The following FSIP2 variants were observed in gnomAD, a reference collection of about 807,000 sequenced individuals.
FSIP2 encodes fibrous sheath-interacting protein 2.
A neutral mutation model predicts 510.5 loss-of-function variants in FSIP2; 367 were observed. The ratio of observed to expected loss-of-function variants is 0.72; its 90% CI spans 0.66 to 0.78. FSIP2 has a LOEUF of 0.78. Among genes scored for constraint, FSIP2 ranks in the 30% least tolerant of loss-of-function variants. FSIP2 has a pLI of 0.00. For synonymous variants in FSIP2, 2,601 were observed against 2,732.2 expected, an observed-to-expected ratio of 0.95 and a Z score of 1.50; for missense variants, 7,594 against 7,901.7, an observed-to-expected ratio of 0.96 and a Z score of 1.48.
In FSIP2 at chr2:185,797,175, C is replaced by A. The variant is rs1559030415; in HGVS notation, c.10039C>A (p.Pro3347Thr). 6.5e-7 allele frequency: 1 copy of A among 1,534,816 alleles called. No individual in the cohort carries two copies. The highest frequency in any genetic ancestry group is 8.7e-7 in the Non-Finnish European group (1 of 1,146,212). Reference sequence around the variant, plus strand: ...ATCCAGCTGTGGCTTTCCAAGTCAACCACACACTAATGAGAACAGGGAAAT... The same window carrying A: ...ATCCAGCTGTGGCTTTCCAAGTCAAACACACACTAATGAGAACAGGGAAAT... ...VLSSCGFPSQ[P>T]HTNENREIMK... Residue 3347 changes from proline to threonine, a missense_variant, in exon 16 of 23, where the codon CCA (proline) becomes ACA (threonine). Transcript: ENST00000424728.
At position 185,794,262 on chromosome 2, in the gene FSIP2, C is replaced by G. The variant is rs1321038584; in HGVS notation, c.7126C>G (p.Pro2376Ala). ...AGACTTAGAAATTCAAAAGATATAT[C>G]CATATCAAAACAATATTTTGTTCCA... ...DLDLEIQKIY[P>A]YQNNILFQEN... The change falls in exon 16 of 23, where the codon CCA (proline) becomes GCA (alanine). Residue 2376 changes from proline (P) to alanine (A), a missense_variant. Transcript: ENST00000424728. The G allele has an allele frequency of 1.3e-6, 2 of 1,530,556 alleles. No homozygotes were observed. The highest frequency in any genetic ancestry group is 8.7e-7 in the Non-Finnish European group (1 of 1,144,064). The allele number at this position is 1,530,556 out of a possible 1,614,324, so 94.8% of individuals were successfully genotyped here.
At position 185,788,878 on chromosome 2, in the gene FSIP2, C is replaced by A; in HGVS notation, c.1742C>A (p.Ala581Glu). ...TCTGCAACAACTAAAACATTTCAGG[C>A]AGAACCCTGTGCATTTGTAGTTGAC... is the stretch of plus-strand genomic sequence containing the variant. ...YTSATTKTFQ[A>E]EPCAFVVDTS... The change falls in exon 16 of 23, where the codon GCA (alanine) becomes GAA (glutamate). Residue 581 changes from alanine to glutamate, a missense_variant. Ala to Glu is a moderately radical substitution (Grantham distance 107). Transcript: ENST00000424728. The A allele has an allele frequency of 6.5e-7, 1 of 1,534,972 alleles. No individual in the cohort carries two copies.
chr2:185,795,040 T>C lies in FSIP2; in HGVS notation c.7904T>C (p.Met2635Thr), dbSNP rs1386709329. The change falls in exon 16 of 23, where the codon ATG becomes ACG. Residue 2635 changes from methionine to threonine, a missense_variant. Coordinates refer to ENST00000424728, the MANE Select transcript of FSIP2 (RefSeq NM_173651.4). ...CAAGTGAAGAAAGACTTAATTCAAA[T>C]GGTTCTCAATAAGATCACAAATTTT... is the stretch of plus-strand genomic sequence containing the variant. ...PLQVKKDLIQ[M>T]VLNKITNFVS... 6 of 1,534,594 alleles carry C rather than the reference T, an allele frequency of 3.9e-6. No individual in the cohort carries two copies. The highest frequency in any genetic ancestry group is 4.4e-6 in the Non-Finnish European group (5 of 1,146,044).
At chr2:185,737,157 A>G (rs746719878), upstream of FSIP2, among the ~76,000 whole-genome samples, 1 of 152,220 alleles carries the variant, frequency 6.6e-6, no homozygotes, top group Non-Finnish European at 1.5e-5. Flanking sequence ...AGAACACAGC[A>G]CTTCCAATAC....
chr2:185,794,760 A>T lies in FSIP2; in HGVS notation c.7624A>T (p.Ile2542Leu), dbSNP rs1693228156. 3 of 1,534,250 alleles carry T rather than the reference A, an allele frequency of 2.0e-6. No homozygotes were observed. The change falls in exon 16 of 23, where the codon ATA becomes TTA. Residue 2542 changes from isoleucine (I) to leucine (L), a missense_variant. Physicochemically the swap from Ile to Leu is conservative, Grantham distance 5. Coordinates refer to ENST00000424728, the MANE Select transcript of FSIP2 (RefSeq NM_173651.4). The part of the protein sequence containing the change: ...QSHINSVAND[I>L]VESVLGKMYL... ...ACATATTAACAGTGTAGCAAATGAC[A>T]TAGTTGAAAGTGTTTTGGGGAAAAT...
At position 185,801,102 on chromosome 2, in the gene FSIP2, G is replaced by A; in HGVS notation, c.11796G>A (p.Lys3932=). 6.5e-7 allele frequency: 1 copy of A among 1,532,798 alleles called. No individual in the cohort carries two copies. Among genetic ancestry groups the A allele is most frequent in the African/African-American group, 1.4e-5 (1 of 72,900 alleles). The allele number at this position is 1,532,798 out of a possible 1,614,324, so 94.9% of individuals were successfully genotyped here. A position where few individuals can be genotyped will look rare whatever the true frequency, so the allele number is the denominator to read the frequency against. The change falls in exon 17 of 23, where the codon AAG becomes AAA. Residue 3932 remains lysine (K), a synonymous_variant. Coordinates refer to ENST00000424728, the MANE Select transcript of FSIP2 (RefSeq NM_173651.4). ...CCAAAATACAAGCACCATTTAACAA[G>A]CATTGTGCAGTAAAATCCTCTTCTG... is the stretch of plus-strand genomic sequence containing the variant. The part of the protein sequence containing the change: ...VSSKIQAPFN[K]HCAVKSSSVS...
In FSIP2 at chr2:185,800,997, G is replaced by C; in HGVS notation, c.11691G>C (p.Gln3897His). 1 of 1,531,666 alleles carries C rather than the reference G, an allele frequency of 6.5e-7. No individual in the cohort carries two copies. Among genetic ancestry groups the C allele is most frequent in the East Asian group, 2.5e-5 (1 of 40,812 alleles). 94.9% of individuals were successfully genotyped at this position (1,531,666 alleles called of 1,614,324 possible). A position where few individuals can be genotyped will look rare whatever the true frequency, so the allele number is the denominator to read the frequency against. Residue 3897 changes from glutamine (Q) to histidine (H), a missense_variant, in exon 17 of 23, where the codon CAG becomes CAC. Physicochemically the swap from Gln to His is conservative, Grantham distance 24. Coordinates refer to ENST00000424728, the MANE Select transcript of FSIP2 (RefSeq NM_173651.4). ...ARKSELIELG[Q>H]SKSSLELRSY... ...AGTCAGAATTAATAGAATTAGGACA[G>C]AGTAAAAGTTCTTTAGAACTCAGGA...
At chr2:185,816,817 C>T (rs1296365657) in intron 19 of FSIP2, among the ~76,000 whole-genome samples, 8 of 151,468 alleles carry the variant, frequency 5.3e-5, no homozygotes, top group Non-Finnish European at 1.2e-4. Context: ...GATTTTGCCA[C>T]TGCACTTTAG....
chr2:185,832,932 G>A (rs913805965), intron 22 of FSIP2, among the ~76,000 whole-genome samples, 158 bp from the exon 23 acceptor site: 15 of 151,922 alleles, frequency 9.9e-5, no homozygotes, highest in Non-Finnish European at 1.8e-4. Flanking sequence ...GACTAAAGAA[G>A]CCTCATAGTA....
intron 17 of FSIP2, 61 bp from the exon 18 acceptor site, chr2:185,813,484 T>C: frequency 9.7e-7 from 1 of 1,033,288 alleles, no homozygotes; most frequent in South Asian, 2.3e-5. Context: ...ACATCATAAT[T>C]GAACTATAGG....
chr2:185,789,859 C>T lies in FSIP2; in HGVS notation c.2723C>T (p.Ala908Val). ...TCTTTGGTTGCTTATATAGAGGAAG[C>T]AATCAATGCTATACTAGGTTATATA... ...QSSLVAYIEE[A>V]INAILGYIQT... The change falls in exon 16 of 23, where the codon GCA (alanine) becomes GTA (valine). Residue 908 changes from alanine to valine, a missense_variant. Physicochemically the swap from Ala to Val is moderately conservative, Grantham distance 64. Coordinates refer to ENST00000424728, the MANE Select transcript of FSIP2 (RefSeq NM_173651.4). The T allele has an allele frequency of 2.6e-6, 4 of 1,531,658 alleles. No homozygotes were observed. Among genetic ancestry groups the T allele is most frequent in the Non-Finnish European group, 2.6e-6 (3 of 1,143,642 alleles). The allele number at this position is 1,531,658 out of a possible 1,614,324, so 94.9% of individuals were successfully genotyped here. A position where few individuals can be genotyped will look rare whatever the true frequency, so the allele number is the denominator to read the frequency against.
At position 185,791,949 on chromosome 2, in the gene FSIP2, G is replaced by A; in HGVS notation, c.4813G>A (p.Gly1605Ser). ...GFANGHLEIL[G>S]AINDGNKKSN... ...TGCCAACGGACATTTAGAAATTTTG[G>A]GTGCTATTAATGATGGAAATAAGAA... is the stretch of plus-strand genomic sequence containing the variant. The change falls in exon 16 of 23, where the codon GGT (glycine) becomes AGT (serine). Residue 1605 changes from glycine (G) to serine (S), a missense_variant. Physicochemically the swap from Gly to Ser is moderately conservative, Grantham distance 56 (BLOSUM62 0). Transcript: ENST00000424728. The A allele has an allele frequency of 6.5e-7, 1 of 1,533,626 alleles. No homozygotes were observed. Among genetic ancestry groups the A allele is most frequent in the Admixed American group, 2.0e-5 (1 of 50,818 alleles).
At position 185,790,518 on chromosome 2, in the gene FSIP2, C is replaced by T; in HGVS notation, c.3382C>T (p.His1128Tyr). ...LKDISSVPFG[H>Y]LDSKTGSEAS... ...GGACATATCTTCCGTTCCTTTTGGT[C>T]ACTTAGACAGCAAAACTGGCAGTGA... is the stretch of plus-strand genomic sequence containing the variant. Residue 1128 changes from histidine to tyrosine, a missense_variant, in exon 16 of 23, where the codon CAC (histidine) becomes TAC (tyrosine). By Grantham distance (83) the His-to-Tyr change is moderately conservative (BLOSUM62 2). Coordinates refer to ENST00000424728, the MANE Select transcript of FSIP2 (RefSeq NM_173651.4). 1.3e-6 allele frequency: 2 copies of T among 1,534,118 alleles called. No homozygotes were observed. Among genetic ancestry groups the T allele is most frequent in the East Asian group, 2.4e-5 (1 of 40,840 alleles).
At position 185,789,444 on chromosome 2, in the gene FSIP2, G is replaced by C. The variant is rs559613350; in HGVS notation, c.2308G>C (p.Val770Leu). Residue 770 changes from valine (V) to leucine (L), a missense_variant, in exon 16 of 23, where the codon GTT (valine) becomes CTT (leucine). Physicochemically the swap from Val to Leu is conservative, Grantham distance 32 (BLOSUM62 1). Coordinates refer to ENST00000424728, the MANE Select transcript of FSIP2 (RefSeq NM_173651.4). Reference sequence around the variant, plus strand: ...TATGCTTGAGAAGTTAGAGTCTGCAGTTGAGAAAAAATGTGTTGAGATGTT... The same window carrying C: ...TATGCTTGAGAAGTTAGAGTCTGCACTTGAGAAAAAATGTGTTGAGATGTT... ...ENMLEKLESAVEKKCVEMFSQ... is the reference protein window; with the variant it reads ...ENMLEKLESALEKKCVEMFSQ... 13 of 1,534,710 alleles carry C rather than the reference G, an allele frequency of 8.5e-6. No individual in the cohort carries two copies. In the Admixed American group the frequency reaches 1.4e-4, roughly 16 times the overall value.
chr2:185,739,556 A>T, intron 2 of FSIP2, 85 bp downstream of exon 2: 2 of 1,213,788 alleles, frequency 1.6e-6, no homozygotes, highest in Non-Finnish European at 2.2e-6. Context: ...AAAATTCATT[A>T]AAGGAATTTG....
Position 185,800,232 on chromosome 2 carries a change from AC to A in FSIP2, c.10930del (p.Leu3644PhefsTer30). On this transcript the variant is annotated frameshift_variant, in exon 17 of 23. Transcript: ENST00000424728. LOFTEE classifies it high-confidence loss of function. ...TTTCTATGCATAGAAATAATAGTGTACCCCTTTGCAACAAAATCAATAGACA... is the reference window on the plus strand; with the variant it reads ...TTTCTATGCATAGAAATAATAGTGTACCCTTTGCAACAAAATCAATAGACA... ...SFSMHRNNSV[P>X]LCNKINRQAS... The A allele has an allele frequency of 6.5e-7, 1 of 1,532,776 alleles. No homozygotes were observed. The highest frequency in any genetic ancestry group is 8.7e-7 in the Non-Finnish European group (1 of 1,144,984). 94.9% of individuals were successfully genotyped at this position (1,532,776 alleles called of 1,614,324 possible).
intron 13 of FSIP2, among the ~76,000 whole-genome samples, chr2:185,775,295 C>T (rs1184012451): frequency 6.7e-6 from 1 of 150,292 alleles, no homozygotes; most frequent in Admixed American, 6.6e-5. Context: ...GAGATGGTAT[C>T]TCATTGTGGT....
Position 185,793,227 on chromosome 2 carries a change from A to G in FSIP2, c.6091A>G (p.Ile2031Val), listed in dbSNP as rs1244913137. ...ERENPFLTHD[I>V]GISESIASQI... ...GGAAAATCCTTTTTTAACTCATGACATTGGGATTTCTGAAAGTATTGCAAG... is the reference window on the plus strand; with the variant it reads ...GGAAAATCCTTTTTTAACTCATGACGTTGGGATTTCTGAAAGTATTGCAAG... The change falls in exon 16 of 23, where the codon ATT (isoleucine) becomes GTT (valine). Residue 2031 changes from isoleucine to valine, a missense_variant. Coordinates refer to ENST00000424728, the MANE Select transcript of FSIP2 (RefSeq NM_173651.4). The G allele has an allele frequency of 1.3e-6, 2 of 1,534,100 alleles. No homozygotes were observed. The highest frequency in any genetic ancestry group is 1.7e-6 in the Non-Finnish European group (2 of 1,145,562).
intron 7 of FSIP2, among the ~76,000 whole-genome samples, chr2:185,752,129 G>A (rs1304726402): frequency 6.7e-6 from 1 of 150,296 alleles, no homozygotes; most frequent in African/African-American, 2.4e-5. Context: ...ACTTTTGTAT[G>A]TCTGCAAAAG....
Sources: gnomAD v4.1 joint callset for allele counts (sites outside exome capture counted in the v4.1 genomes callset) on GRCh38, gnomAD v4.1.1 for gene constraint, MANE v1.5 for transcripts, NCBI Gene and HGNC (gene_info 2026-07-23, HGNC 2026-07-21) for gene names.